The following LMO7 variants were observed in gnomAD, a reference collection of about 807,000 sequenced individuals.
LMO7 encodes the protein LIM domain only protein 7.
In LMO7, 120 loss-of-function variants were observed where a neutral mutation model predicts 206.5. That is an observed-to-expected ratio of 0.58 (90% CI 0.50 to 0.68). The LOEUF (loss-of-function observed/expected upper bound fraction) is 0.68, where lower values mean the gene tolerates loss of function less well. LMO7 is among the 30% of genes least tolerant of loss of function. The pLI is 0.00. For missense variants in LMO7, 1,959 were observed against 1,957.9 expected (o/e 1.00, Z -0.01); for synonymous variants, 706 against 681.5 (o/e 1.04, Z -0.56).
At chr13:75,705,574 TGTG>T (rs1164456251) in intron 1 of LMO7, among the ~76,000 whole-genome samples, 1 of 152,186 alleles carries the variant, frequency 6.6e-6, no homozygotes, top group Non-Finnish European at 1.5e-5. Context: ...GTGGGAAACA[TGTG>T]GTCTCTATTT....
At chr13:75,702,596 G>A (rs1039180966) in intron 1 of LMO7, among the ~76,000 whole-genome samples, 5 of 152,170 alleles carry the variant, frequency 3.3e-5, no homozygotes, top group Non-Finnish European at 7.3e-5. Context: ...CCCCTTAAAG[G>A]AATGTTATTT....
In LMO7 at chr13:75,624,988, G is replaced by A. The variant is rs115349283; in HGVS notation, c.225+1668G>A. 5.8e-3 allele frequency among the ~76,000 whole-genome samples: 877 copies of A among 152,318 alleles called. 7 individuals are homozygous for A. Among genetic ancestry groups the A allele is most frequent in the African/African-American group, 0.02 (818 of 41,564 alleles). On this transcript the variant is annotated intron_variant, in intron 2 of 29. Coordinates refer to the LMO7 transcript ENST00000341547. ...AATATCTATAGCACAATATAGGATG[G>A]TGGTCGGCATGAGAAATGCTGCCTG...
chr13:75,804,186 C>A, intron 7 of LMO7, 103 bp from the exon 8 acceptor site: 1 of 1,147,912 alleles, frequency 8.7e-7, no homozygotes, highest in Non-Finnish European at 1.2e-6. Context: ...TTAGCAGTGG[C>A]AGCACTGGGT....
chr13:75,807,697 C>G lies in LMO7; in HGVS notation c.1414C>G (p.His472Asp), dbSNP rs756483135. The change falls in exon 10 of 31, where the codon CAT (histidine) becomes GAT (aspartate). Residue 472 changes from histidine to aspartate, a missense_variant. Physicochemically the swap from His to Asp is moderately conservative, Grantham distance 81 (BLOSUM62 -1). Transcript: ENST00000377534. ...DFFVRKTGAF[H>D]ANPYVLRAFE... ...CTTTGTCAGAAAGACTGGGGCTTTCCATGCAAATCCATATGTTCTCCGAGC... is the reference window on the plus strand; with the variant it reads ...CTTTGTCAGAAAGACTGGGGCTTTCGATGCAAATCCATATGTTCTCCGAGC... 2 of 1,613,858 alleles carry G rather than the reference C, an allele frequency of 1.2e-6. No homozygotes were observed. Among genetic ancestry groups the G allele is most frequent in the South Asian group, 2.2e-5 (2 of 91,094 alleles).
chr13:75,821,821 T>C (rs1457161758), intron 14 of LMO7, among the ~76,000 whole-genome samples: 1 of 152,206 alleles, frequency 6.6e-6, no homozygotes, highest in South Asian at 2.1e-4. Flanking sequence ...TCTGTGAAAG[T>C]AGGGCTGATA....
intron 3 of LMO7, among the ~76,000 whole-genome samples, chr13:75,760,080 A>G (rs2048029588): frequency 6.6e-6 from 1 of 151,762 alleles, no homozygotes; most frequent in African/African-American, 2.4e-5. Flanking sequence ...TTAGAGTAGT[A>G]GAGATGAAGC....
rs1446237399 is a variant in LMO7 at position 75,736,012 on chromosome 13, G to T, written c.210+8914G>T. 1.3e-4 allele frequency among the ~76,000 whole-genome samples: 20 copies of T among 152,180 alleles called. No individual in the cohort carries two copies. In the East Asian group the frequency reaches 3.5e-3, roughly 26 times the overall value. On this transcript the variant is annotated intron_variant, in intron 3 of 30. Coordinates refer to ENST00000377534, the MANE Select transcript of LMO7 (RefSeq NM_001306080.2). ...CTCAAACACCCTGCATATTTGGAATGCTCGAATTGTAGTGGTTTGTTGTTG... is the reference window on the plus strand; with the variant it reads ...CTCAAACACCCTGCATATTTGGAATTCTCGAATTGTAGTGGTTTGTTGTTG...
At chr13:75,779,826 G>A (rs2051046719) in intron 4 of LMO7, among the ~76,000 whole-genome samples, 1 of 152,142 alleles carries the variant, frequency 6.6e-6, no homozygotes, top group South Asian at 2.1e-4. Context: ...GGGGGAACCA[G>A]CCCCCAATAT....
intron 4 of LMO7, among the ~76,000 whole-genome samples, chr13:75,775,093 A>G (rs773609351): frequency 8.5e-5 from 13 of 152,274 alleles, no homozygotes; most frequent in Non-Finnish European, 8.8e-5. Context: ...AGCAAATAAA[A>G]CTAGCTGTTG....
In LMO7 at chr13:75,804,546, T is replaced by C; in HGVS notation, c.914+5T>C. 1 of 1,610,146 alleles carries C rather than the reference T, an allele frequency of 6.2e-7. No homozygotes were observed. Among genetic ancestry groups the C allele is most frequent in the South Asian group, 1.1e-5 (1 of 90,424 alleles). On this transcript the variant is annotated splice_donor_5th_base_variant and intron_variant, in intron 8 of 30. Transcript: ENST00000377534. The stretch of plus-strand genomic sequence containing the variant: ...AGCAGATGGAACATTTTCAAGGTAC[T>C]GAGATGGGTGTGATTATTGAGTTTC...
intron 1 of LMO7, among the ~76,000 whole-genome samples, chr13:75,657,437 T>C (rs934381212): frequency 1.3e-5 from 2 of 152,174 alleles, no homozygotes; most frequent in African/African-American, 4.8e-5. Flanking sequence ...ATGTGTGTTT[T>C]GGTGACACCA....
chr13:75,711,107 AT>A (rs1394458664), intron 1 of LMO7, among the ~76,000 whole-genome samples: 1 of 152,094 alleles, frequency 6.6e-6, no homozygotes, highest in Non-Finnish European at 1.5e-5. Flanking sequence ...ACGTTTATTG[AT>A]TTGCATATGT....
At chr13:75,639,382 C>T (rs2036289363) in intron 1 of LMO7, among the ~76,000 whole-genome samples, 1 of 152,144 alleles carries the variant, frequency 6.6e-6, no homozygotes, top group South Asian at 2.1e-4. Context: ...AGGAAAGCTA[C>T]CCTTTAAGAT....
rs747587839 is a variant in LMO7 at position 75,807,800 on chromosome 13, AACTTGT to A, written c.1522_1527del (p.Val508_Leu509del). 3 of 1,613,732 alleles carry A rather than the reference AACTTGT, an allele frequency of 1.9e-6. No individual in the cohort carries two copies. The highest frequency in any genetic ancestry group is 2.5e-6 in the Non-Finnish European group (3 of 1,179,756). ...ATAATTTTACAGTGTAGAGAAGGTGAACTTGTACTTCCGGATTTGGAAAAAGATGAT... is the reference window on the plus strand; with the variant it reads ...ATAATTTTACAGTGTAGAGAAGGTGAACTTCCGGATTTGGAAAAAGATGAT... On this transcript the variant is annotated inframe_deletion, in exon 10 of 31. Transcript: ENST00000377534.
chr13:75,856,490 T>G lies in LMO7; in HGVS notation c.4771-16T>G, dbSNP rs1337305741. 6.5e-7 allele frequency: 1 copy of G among 1,541,022 alleles called. No homozygotes were observed. Among genetic ancestry groups the G allele is most frequent in the Non-Finnish European group, 9.0e-7 (1 of 1,114,838 alleles). ...AGCTGACTGATTGTAGATGTTCTTT[T>G]TTTTTTGTTCCCCAGTGTGTTGCCT... is the stretch of plus-strand genomic sequence containing the variant. On this transcript the variant is annotated splice_polypyrimidine_tract_variant and intron_variant, in intron 29 of 30. Coordinates refer to ENST00000377534, the MANE Select transcript of LMO7 (RefSeq NM_001306080.2).
intron 1 of LMO7, among the ~76,000 whole-genome samples, chr13:75,651,874 A>G (rs1397130473): frequency 6.6e-6 from 1 of 152,120 alleles, no homozygotes; most frequent in Non-Finnish European, 1.5e-5. Flanking sequence ...GCCATAAAGG[A>G]TAACTTTCTT....
At chr13:75,623,808 A>T (rs188907064) in intron 2 of LMO7, among the ~76,000 whole-genome samples, 5 of 152,350 alleles carry the variant, frequency 3.3e-5, no homozygotes, top group African/African-American at 1.2e-4. Flanking sequence ...GGAGATAAAA[A>T]TTACTGAAAT....
At chr13:75,775,801 A>C in intron 4 of LMO7, among the ~76,000 whole-genome samples, 1 of 151,768 alleles carries the variant, frequency 6.6e-6, no homozygotes, top group Non-Finnish European at 1.5e-5. Flanking sequence ...CAAAAAACCC[A>C]AAAAGATGTT....
At chr13:75,789,292 G>A (rs916982787) in intron 4 of LMO7, among the ~76,000 whole-genome samples, 2 of 152,252 alleles carry the variant, frequency 1.3e-5, no homozygotes, top group East Asian at 3.9e-4. Flanking sequence ...GGGATTTGGG[G>A]AGAAGAGATG....
Sources: gnomAD v4.1 joint callset for allele counts (sites outside exome capture counted in the v4.1 genomes callset) on GRCh38, gnomAD v4.1.1 for gene constraint, MANE v1.5 for transcripts, NCBI Gene and HGNC (gene_info 2026-07-23, HGNC 2026-07-21) for gene names.